SLC14A2: variants seen among roughly 807,000 people sequenced by gnomAD.
SLC14A2 encodes urea transporter 2.
Under a neutral mutation model 104.6 loss-of-function variants are expected in SLC14A2, and 91 were observed. The observed-to-expected ratio is 0.87, with a 90% CI of 0.73 to 1.04. The LOEUF (loss-of-function observed/expected upper bound fraction) is 1.04. SLC14A2 is among the 50% of genes least tolerant of loss of function. The pLI, the probability that SLC14A2 is intolerant of heterozygous loss-of-function variation, is 0.00. For synonymous variants in SLC14A2, 476 were observed against 466.4 expected, an observed-to-expected ratio of 1.02 and a Z score of -0.27; for missense variants, 1,189 against 1,156.0, an observed-to-expected ratio of 1.03 and a Z score of -0.41.
chr18:45,341,475 C>A (rs1378867517), intron 1 of SLC14A2, among the ~76,000 whole-genome samples: 1 of 151,850 alleles, frequency 6.6e-6, no homozygotes, highest in African/African-American at 2.4e-5. Flanking sequence ...CTCCTATAAA[C>A]AAATGTCTCT....
intron 2 of SLC14A2, among the ~76,000 whole-genome samples, chr18:45,560,750 A>G (rs1420417338): frequency 6.6e-6 from 1 of 152,056 alleles, no homozygotes; most frequent in Non-Finnish European, 1.5e-5. Flanking sequence ...CCAACAGCTC[A>G]TTGTTGGAGC....
the SLC14A2 span, among the ~76,000 whole-genome samples, chr18:45,197,461 T>C: frequency 6.6e-6 from 1 of 152,162 alleles, no homozygotes. Context: ...AAGGAAGATA[T>C]TCGGGGTCAA....
the SLC14A2 span, among the ~76,000 whole-genome samples, chr18:45,168,042 A>G: frequency 2.0e-5 from 3 of 152,230 alleles, no homozygotes; most frequent in African/African-American, 7.2e-5. Context: ...ACAGAGAGCC[A>G]GTTTGTTAAA....
At chr18:45,349,777 C>T (rs548109895) in intron 1 of SLC14A2, among the ~76,000 whole-genome samples, 10 of 152,240 alleles carry the variant, frequency 6.6e-5, no homozygotes, top group Admixed American at 2.6e-4. Flanking sequence ...AGAAGTGGAA[C>T]GTAGATGAAG....
At chr18:45,263,452 T>G (rs1351538176) in intron 1 of SLC14A2, among the ~76,000 whole-genome samples, 3 of 152,192 alleles carry the variant, frequency 2.0e-5, no homozygotes, top group Non-Finnish European at 4.4e-5. Context: ...CCTTTGAAAT[T>G]TATAGATATC....
the SLC14A2 span, among the ~76,000 whole-genome samples, chr18:45,181,838 A>C: frequency 6.6e-6 from 1 of 152,164 alleles, no homozygotes; most frequent in Non-Finnish European, 1.5e-5. Flanking sequence ...TATTAAGTAG[A>C]TTAAGATAAT....
intron 1 of SLC14A2, among the ~76,000 whole-genome samples, chr18:45,391,805 C>T (rs913129853): frequency 6.6e-6 from 1 of 152,166 alleles, no homozygotes; most frequent in African/African-American, 2.4e-5. Flanking sequence ...TGTTTGAGTT[C>T]ATTGTAGATT....
At position 45,624,822 on chromosome 18, in the gene SLC14A2, G is replaced by C; in HGVS notation, c.150+8G>C. On this transcript the variant is annotated splice_region_variant and intron_variant, in intron 2 of 19. Coordinates refer to ENST00000255226, the MANE Select transcript of SLC14A2 (RefSeq NM_007163.4). ...GAAATGCCTGAAGAAAAGGTGAGAAGTGTCCCTCCTAGGATGTTTCCTGGG... is the reference window on the plus strand; with the variant it reads ...GAAATGCCTGAAGAAAAGGTGAGAACTGTCCCTCCTAGGATGTTTCCTGGG... 2 of 1,609,180 alleles carry C rather than the reference G, an allele frequency of 1.2e-6. No individual in the cohort carries two copies.
intron 1 of SLC14A2, among the ~76,000 whole-genome samples, chr18:45,428,056 G>A (rs2086460504): frequency 6.6e-6 from 1 of 152,182 alleles, no homozygotes; most frequent in Non-Finnish European, 1.5e-5. Context: ...TGCTTGGACT[G>A]AAGGCCACTC....
In SLC14A2 at chr18:45,624,810, A is replaced by G. The variant is rs1484930485; in HGVS notation, c.146A>G (p.Glu49Gly). The G allele has an allele frequency of 1.2e-6, 2 of 1,610,842 alleles. No individual in the cohort carries two copies. The highest frequency in any genetic ancestry group is 1.7e-4 in the Middle Eastern group (1 of 6,054). The stretch of plus-strand genomic sequence containing the variant: ...CTGCCCCTCCTGGAAATGCCTGAAG[A>G]AAAGGTGAGAAGTGTCCCTCCTAGG... ...PALPLLEMPEEKDLRSSNEDS... is the reference protein window; with the variant it reads ...PALPLLEMPEGKDLRSSNEDS... The change falls in exon 2 of 20, where the codon GAA becomes GGA. Residue 49 changes from glutamate (E) to glycine (G), a missense_variant. Glu to Gly is a moderately conservative substitution (Grantham distance 98). Coordinates refer to ENST00000255226, the MANE Select transcript of SLC14A2 (RefSeq NM_007163.4).
intron 2 of SLC14A2, among the ~76,000 whole-genome samples, chr18:45,596,692 T>G (rs375718897): frequency 7.2e-5 from 11 of 152,344 alleles, no homozygotes; most frequent in African/African-American, 2.4e-4. Context: ...GTGCTACTTT[T>G]CAGGCTTTTC....
intron 10 of SLC14A2, among the ~76,000 whole-genome samples, chr18:45,657,517 GA>G (rs1331117892): frequency 1.4e-4 from 16 of 115,316 alleles, no homozygotes; most frequent in African/African-American, 3.9e-4. Flanking sequence ...AGGAAAGAAA[GA>G]AAAGGAAGGA....
intron 2 of SLC14A2, among the ~76,000 whole-genome samples, chr18:45,498,679 C>T (rs941509500): frequency 6.6e-6 from 1 of 152,180 alleles, no homozygotes; most frequent in Non-Finnish European, 1.5e-5. Flanking sequence ...AATTAGGCTC[C>T]TTCTCCCTCA....
intron 1 of SLC14A2, among the ~76,000 whole-genome samples, chr18:45,347,961 C>G (rs892776519): frequency 1.3e-5 from 2 of 152,192 alleles, no homozygotes; most frequent in African/African-American, 4.8e-5. Context: ...TGTGAGCTCC[C>G]GAAAAAACCA....
the SLC14A2 span, among the ~76,000 whole-genome samples, chr18:45,171,753 A>G: frequency 6.6e-6 from 1 of 152,190 alleles, no homozygotes; most frequent in Non-Finnish European, 1.5e-5. Flanking sequence ...GAGTAATACC[A>G]GATAACAGTA....
chr18:45,414,744 TAAAAAA>T (rs531366886), intron 1 of SLC14A2, among the ~76,000 whole-genome samples: 49 of 52,316 alleles, frequency 9.4e-4, no homozygotes, highest in African/African-American at 3.8e-3. Flanking sequence ...GCACCGAGCG[TAAAAAA>T]AAAAAAAATA....
At chr18:45,477,030 G>T (rs55655005) in intron 1 of SLC14A2, among the ~76,000 whole-genome samples, 1 of 148,924 alleles carries the variant, frequency 6.7e-6, no homozygotes, top group Non-Finnish European at 1.5e-5. Context: ...CCTTGCTGGC[G>T]GGGAGTTGTG....
In SLC14A2 at chr18:45,666,982, C is replaced by G. The variant is rs370029090; in HGVS notation, c.1605C>G (p.Asn535Lys). Residue 535 changes from asparagine to lysine, a missense_variant, in exon 13 of 20, where the codon AAC becomes AAG. By Grantham distance (94) the Asn-to-Lys change is moderately conservative. Transcript: ENST00000255226. ...EESSEIKVET[N>K]ISKTSWIRSS... is the part of the protein sequence containing the mutation. ...GCTCTGAGATAAAAGTGGAAACAAA[C>G]ATTTCCAAGACATCCTGGATTCGGA... is the stretch of plus-strand genomic sequence containing the variant. The G allele has an allele frequency of 6.2e-6, 10 of 1,614,034 alleles. No homozygotes were observed. Among genetic ancestry groups the G allele is most frequent in the East Asian group, 2.2e-5 (1 of 44,882 alleles).
intron 1 of SLC14A2, among the ~76,000 whole-genome samples, chr18:45,290,735 G>A (rs1416129685): frequency 2.0e-5 from 3 of 152,142 alleles, no homozygotes; most frequent in Non-Finnish European, 2.9e-5. Flanking sequence ...TGATATTTTC[G>A]ATATGTTTGG....
Sources: allele counts gnomAD v4.1 joint callset (sites outside exome capture counted in the v4.1 genomes callset), GRCh38; gene constraint gnomAD v4.1.1; transcripts MANE v1.5; gene names NCBI Gene and HGNC (gene_info 2026-07-23, HGNC 2026-07-21).